PEDS1: variants seen among roughly 807,000 people sequenced by gnomAD.
PEDS1 encodes the protein plasmanylethanolamine desaturase 1.
PEDS1 carries 14 observed loss-of-function variants against 35.2 expected under a neutral mutation model. The ratio of observed to expected loss-of-function variants is 0.40; its 90% CI spans 0.26 to 0.62. The LOEUF (loss-of-function observed/expected upper bound fraction) is 0.62. PEDS1 is among the 20% of genes least tolerant of loss of function. PEDS1 has a pLI of 0.44. For synonymous variants in PEDS1, 152 were observed against 152.0 expected (o/e 1.00, Z 0.00); for missense variants, 260 against 367.8 (o/e 0.71, Z 2.40).
rs899080810 is a variant in PEDS1 at position 50,128,336 on chromosome 20, G to C, written c.479-149C>G. ...CCACCCCCTGCAGGGCCGCAGGCAA[G>C]CTCAGGTGCTGCCCTGGGCTTCAGG... On this transcript the variant is annotated intron_variant, in intron 4 of 5. Coordinates refer to ENST00000371652, the MANE Select transcript of PEDS1 (RefSeq NM_199129.4). This position sits in a 1 kb window ranked among gnomAD's most constrained non-coding sequence, Gnocchi z 5.2. The C allele has an allele frequency of 1.1e-6, 1 of 939,962 alleles. No homozygotes were observed. The highest frequency in any genetic ancestry group is 1.6e-6 in the Non-Finnish European group (1 of 630,992). 58.2% of individuals were successfully genotyped at this position (939,962 alleles called of 1,614,324 possible). A position where few individuals can be genotyped will look rare whatever the true frequency, so the allele number is the denominator to read the frequency against.
intron 2 of PEDS1, among the ~76,000 whole-genome samples, chr20:50,140,521 C>G (rs1306955142): frequency 6.6e-6 from 1 of 152,248 alleles, no homozygotes; most frequent in Non-Finnish European, 1.5e-5. Flanking sequence ...ACACACGAGG[C>G]ACGTGCCAAC....
At chr20:50,137,828 G>A (rs917537248) in intron 2 of PEDS1, among the ~76,000 whole-genome samples, 2 of 152,142 alleles carry the variant, frequency 1.3e-5, no homozygotes, top group African/African-American at 2.4e-5. Flanking sequence ...CCGAGATTGC[G>A]CCACTGCACT....
chr20:50,142,639 A>G (rs1464552255), intron 2 of PEDS1, among the ~76,000 whole-genome samples: 1 of 133,218 alleles, frequency 7.5e-6, no homozygotes, highest in Non-Finnish European at 1.6e-5. Flanking sequence ...GGGTTTCACC[A>G]CGTTGGCCAG....
rs755142519 is a variant in PEDS1 at position 50,129,036 on chromosome 20, C to T, written c.478+510G>A. Among the ~76,000 whole-genome samples the T allele has an allele frequency of 2.6e-5, 4 of 152,188 alleles. No homozygotes were observed. The highest frequency in any genetic ancestry group is 4.4e-5 in the Non-Finnish European group (3 of 68,030). On this transcript the variant is annotated intron_variant, in intron 4 of 5. Coordinates refer to ENST00000371652, the MANE Select transcript of PEDS1 (RefSeq NM_199129.4). This position sits in a 1 kb window ranked among gnomAD's most constrained non-coding sequence, Gnocchi z 4.2. ...GGGTGTTAAGGTGCTGGAACAGGAC[C>T]GGGCCCCAACCTACCTCCACCTGAC...
chr20:50,153,260 C>G (rs904873216), intron 1 of PEDS1, among the ~76,000 whole-genome samples: 3 of 151,984 alleles, frequency 2.0e-5, no homozygotes, highest in African/African-American at 7.3e-5. Context: ...CCGATGGGAG[C>G]TCCGTTTGTC....
rs1038903543 is a variant in PEDS1 at position 50,147,544 on chromosome 20, G to A, written c.122-3923C>T. On this transcript the variant is annotated intron_variant, in intron 1 of 5. Transcript: ENST00000371652. Reference sequence around the variant, plus strand: ...TCATTTCCTAGACAAGGAAACTGAGGTTCAGAGCTGGGTTTGGATCCCAGA... The same window carrying A: ...TCATTTCCTAGACAAGGAAACTGAGATTCAGAGCTGGGTTTGGATCCCAGA... Among the ~76,000 whole-genome samples the A allele has an allele frequency of 3.9e-5, 6 of 152,180 alleles. No individual in the cohort carries two copies. In the South Asian group the frequency reaches 8.3e-4, roughly 21 times the overall value.
At chr20:50,143,952 C>T (rs1223851871) in intron 1 of PEDS1, among the ~76,000 whole-genome samples, 1 of 152,188 alleles carries the variant, frequency 6.6e-6, no homozygotes, top group Non-Finnish European at 1.5e-5. Flanking sequence ...CCACCTTGGC[C>T]TCCCAAAGTG....
In PEDS1 at chr20:50,124,844, G is replaced by T; in HGVS notation, c.*214C>A. 1 of 543,888 alleles carries T rather than the reference G, an allele frequency of 1.8e-6. No homozygotes were observed. The highest frequency in any genetic ancestry group is 3.2e-6 in the Non-Finnish European group (1 of 315,606). 33.7% of individuals were successfully genotyped at this position (543,888 alleles called of 1,614,324 possible). A position where few individuals can be genotyped will look rare whatever the true frequency, so the allele number is the denominator to read the frequency against. On this transcript the variant is annotated 3_prime_UTR_variant, in exon 6 of 6. Coordinates refer to ENST00000371652, the MANE Select transcript of PEDS1 (RefSeq NM_199129.4). ...GGCTTGCAGATAGAGCAACTCAGGT[G>T]GCTGAGGAGGGGCCGAGGAAAAAAA...
intron 5 of PEDS1, 87 bp downstream of exon 5, chr20:50,127,888 C>A: frequency 6.6e-7 from 1 of 1,524,484 alleles, no homozygotes; most frequent in South Asian, 1.2e-5. Flanking sequence ...TGTGTGACCT[C>A]CTGCTGTGAT....
At position 50,129,797 on chromosome 20, in the gene PEDS1, TAA is replaced by T. The variant is rs1222222914; in HGVS notation, c.334-109_334-108del. 3 of 1,507,734 alleles carry T rather than the reference TAA, an allele frequency of 2.0e-6. No homozygotes were observed. The highest frequency in any genetic ancestry group is 2.7e-6 in the Non-Finnish European group (3 of 1,126,768). The allele number at this position is 1,507,734 out of a possible 1,614,324, so 93.4% of individuals were successfully genotyped here. The stretch of plus-strand genomic sequence containing the variant: ...TGGGCTCACCTCCCGCCTTTGATCC[TAA>T]GTTTCCTCCACCCGGGATGCTTGAA... On this transcript the variant is annotated intron_variant, in intron 3 of 5. Coordinates refer to ENST00000371652, the MANE Select transcript of PEDS1 (RefSeq NM_199129.4). This position sits in a 1 kb window ranked among gnomAD's most constrained non-coding sequence, Gnocchi z 4.2.
At position 50,120,265 on chromosome 20, in the gene PEDS1, TA is replaced by T; in HGVS notation, c.*4792del. On this transcript the variant is annotated 3_prime_UTR_variant, in exon 6 of 6. Coordinates refer to ENST00000371652, the MANE Select transcript of PEDS1 (RefSeq NM_199129.4). ...GGACAACAGAGCAAGACCCTGTCTC[TA>T]AAAAACAAACAAACAAACAAACAAA... The T allele has an allele frequency of 1.3e-5, 2 of 150,662 alleles. No homozygotes were observed. The highest frequency in any genetic ancestry group is 1.8e-4 in the South Asian group (2 of 11,262). The allele number at this position is 150,662 out of a possible 1,614,324, so 9.3% of individuals were successfully genotyped here.
chr20:50,129,514 CCT>C lies in PEDS1; in HGVS notation c.478+30_478+31del. 1 of 1,613,274 alleles carries C rather than the reference CCT, an allele frequency of 6.2e-7. No homozygotes were observed. The highest frequency in any genetic ancestry group is 1.3e-5 in the African/African-American group (1 of 75,026). Reference sequence around the variant, plus strand: ...GGGTCGGCCTCTGCCCCCAAGGCCCCCTCCCAGCCCACCACTAGCTGGGTGTC... The same window carrying C: ...GGGTCGGCCTCTGCCCCCAAGGCCCCCCCAGCCCACCACTAGCTGGGTGTC... On this transcript the variant is annotated intron_variant, in intron 4 of 5. Coordinates refer to ENST00000371652, the MANE Select transcript of PEDS1 (RefSeq NM_199129.4). The surrounding 1 kb of genome is among the most constrained non-coding windows in gnomAD (Gnocchi z 4.2).
rs771873053 is a variant in PEDS1 at position 50,128,676 on chromosome 20, G to C, written c.479-489C>G. 1.3e-5 allele frequency among the ~76,000 whole-genome samples: 2 copies of C among 152,204 alleles called. No individual in the cohort carries two copies. Among genetic ancestry groups the C allele is most frequent in the Non-Finnish European group, 2.9e-5 (2 of 68,034 alleles). On this transcript the variant is annotated intron_variant, in intron 4 of 5. Transcript: ENST00000371652. The surrounding 1 kb of genome is among the most constrained non-coding windows in gnomAD (Gnocchi z 5.2). Reference sequence around the variant, plus strand: ...GGGAGGGAAGCAAGACACGGCAGGGGAAGAGCAGAGCAAAGATGGGGTGGG... The same window carrying C: ...GGGAGGGAAGCAAGACACGGCAGGGCAAGAGCAGAGCAAAGATGGGGTGGG...
At chr20:50,137,124 G>A (rs115884485) in intron 2 of PEDS1, among the ~76,000 whole-genome samples, 3,082 of 152,182 alleles carry the variant, frequency 0.02, 86 homozygotes, top group African/African-American at 0.064. Context: ...GGAGTGTGGC[G>A]GTGCCATTCA....
chr20:50,130,334 G>T (rs942985061), intron 3 of PEDS1, among the ~76,000 whole-genome samples: 2 of 152,176 alleles, frequency 1.3e-5, no homozygotes, highest in African/African-American at 4.8e-5. Flanking sequence ...ATCTCTGGGC[G>T]GTGAGAAAGC....
intron 1 of PEDS1, chr20:50,151,337 C>T (rs1464202447): frequency 7.8e-7 from 1 of 1,281,234 alleles, no homozygotes; most frequent in African/African-American, 1.5e-5. Context: ...CAGAAATGGA[C>T]AAATATGCAA....
intron 2 of PEDS1, among the ~76,000 whole-genome samples, chr20:50,133,405 G>A (rs1274930609): frequency 2.0e-5 from 3 of 152,162 alleles, no homozygotes; most frequent in Admixed American, 2.0e-4. Flanking sequence ...GCACACAGAC[G>A]CCTAAGGACA....
intron 1 of PEDS1, 75 bp from the exon 2 acceptor site, chr20:50,143,696 C>CT: frequency 6.5e-7 from 1 of 1,533,832 alleles, no homozygotes; most frequent in Non-Finnish European, 8.7e-7. Flanking sequence ...GGGAACTTTT[C>CT]TTTTCTTTTT....
intron 1 of PEDS1, among the ~76,000 whole-genome samples, chr20:50,148,865 C>T (rs1472413635): frequency 1.3e-5 from 2 of 152,122 alleles, no homozygotes; most frequent in Non-Finnish European, 2.9e-5. Flanking sequence ...AATCCCAGCA[C>T]TTTAGGAGGC....
Sources: allele counts gnomAD v4.1 joint callset (sites outside exome capture counted in the v4.1 genomes callset), GRCh38; gene constraint gnomAD v4.1.1; non-coding constraint Gnocchi (gnomAD v3.1); transcripts MANE v1.5; gene names NCBI Gene and HGNC (gene_info 2026-07-23, HGNC 2026-07-21).